Variants in TMEM117 observed in about 807,000 individuals in gnomAD.
The protein encoded by TMEM117 is transmembrane protein 117.
TMEM117 carries 27 observed loss-of-function variants against 52.4 expected under a neutral mutation model. That is an observed-to-expected ratio of 0.51 (90% CI 0.38 to 0.71). The LOEUF is 0.71. Ranked by LOEUF, TMEM117 falls within the 30% of genes least tolerant of loss-of-function variation. TMEM117 has a pLI of 0.00. For missense variants in TMEM117, 556 were observed against 630.5 expected (o/e 0.88, Z 1.26); for synonymous variants, 215 against 206.3 (o/e 1.04, Z -0.36).
At chr12:44,334,385 G>A (rs1555154097) in intron 6 of TMEM117, among the ~76,000 whole-genome samples, 1 of 152,012 alleles carries the variant, frequency 6.6e-6, no homozygotes, top group Non-Finnish European at 1.5e-5. Context: ...GCTAAGCAAA[G>A]CTATGTGACT....
chr12:44,061,830 G>T (rs1451578969), intron 3 of TMEM117, among the ~76,000 whole-genome samples: 1 of 152,012 alleles, frequency 6.6e-6, no homozygotes, highest in African/African-American at 2.4e-5. Flanking sequence ...AAAACAATAG[G>T]GAGTGAGAGA....
chr12:44,334,674 C>G (rs1951316645), intron 6 of TMEM117, among the ~76,000 whole-genome samples: 1 of 151,910 alleles, frequency 6.6e-6, no homozygotes, highest in African/African-American at 2.4e-5. Context: ...ATTAAGAGAA[C>G]CTTGCAACTC....
intron 2 of TMEM117, among the ~76,000 whole-genome samples, chr12:43,871,310 G>A (rs1270448406): frequency 6.6e-6 from 1 of 152,048 alleles, no homozygotes; most frequent in Non-Finnish European, 1.5e-5. Context: ...TGCCATGTTG[G>A]TCAGGCTGGT....
At chr12:44,235,125 G>A (rs1190508227) in intron 5 of TMEM117, among the ~76,000 whole-genome samples, 1 of 151,556 alleles carries the variant, frequency 6.6e-6, no homozygotes, top group Admixed American at 6.6e-5. Flanking sequence ...GACATCTTAA[G>A]TGGTGCATAG....
intron 5 of TMEM117, among the ~76,000 whole-genome samples, chr12:44,260,606 CTA>C (rs1950309503): frequency 6.6e-6 from 1 of 152,072 alleles, no homozygotes; most frequent in South Asian, 2.1e-4. Context: ...GAAAATTGCT[CTA>C]GTCATAAAAT....
At chr12:43,949,576 C>G (rs995364810) in intron 3 of TMEM117, among the ~76,000 whole-genome samples, 6 of 152,206 alleles carry the variant, frequency 3.9e-5, no homozygotes, top group African/African-American at 1.4e-4. Flanking sequence ...CTTCTGAGAT[C>G]TTGTCGGGAA....
intron 3 of TMEM117, among the ~76,000 whole-genome samples, chr12:44,081,327 G>T (rs1167829502): frequency 6.6e-6 from 1 of 152,118 alleles, no homozygotes; most frequent in Non-Finnish European, 1.5e-5. Context: ...TGATACAGTT[G>T]TGGAATCACA....
chr12:44,043,120 C>T (rs1005573114), intron 3 of TMEM117, among the ~76,000 whole-genome samples: 3 of 152,060 alleles, frequency 2.0e-5, no homozygotes, highest in Admixed American at 6.6e-5. Flanking sequence ...AACCAAGGAG[C>T]GTAATGAAGC....
In TMEM117 at chr12:43,901,367, GTAGCGTAA is replaced by G. The variant is rs769012445; in HGVS notation, c.278-42841_278-42834del. 2.3e-4 allele frequency among the ~76,000 whole-genome samples: 35 copies of G among 152,242 alleles called. No individual in the cohort carries two copies. The East Asian group carries it at 2.9e-3, about 13-fold the overall frequency. ...GCTCTGTTGCCCAGGCTGGAGTGCA[GTAGCGTAA>G]TCTCGGCTCACTGCAACCTCCGCCT... On this transcript the variant is annotated intron_variant, in intron 2 of 7. Transcript: ENST00000266534.
At chr12:43,999,414 G>T (rs71455470) in intron 3 of TMEM117, among the ~76,000 whole-genome samples, 571 of 152,294 alleles carry the variant, frequency 3.7e-3, no homozygotes, top group Non-Finnish European at 6.0e-3. Flanking sequence ...CCAGAAAAAT[G>T]TTATACATTT....
intron 6 of TMEM117, among the ~76,000 whole-genome samples, chr12:44,357,584 T>G (rs2138798718): frequency 6.6e-6 from 1 of 152,240 alleles, no homozygotes; most frequent in Admixed American, 6.5e-5. Context: ...TCCATGTTAC[T>G]AATCATCAGA....
At position 44,235,515 on chromosome 12, in the gene TMEM117, C is replaced by G. The variant is rs78052794; in HGVS notation, c.608+24128C>G. Among the ~76,000 whole-genome samples, 1,228 of 151,746 alleles carry G rather than the reference C, an allele frequency of 8.1e-3. 9 individuals are homozygous for G. Among genetic ancestry groups the G allele is most frequent in the African/African-American group, 0.017 (713 of 41,510 alleles). On this transcript the variant is annotated intron_variant, in intron 5 of 7. Coordinates refer to ENST00000266534, the MANE Select transcript of TMEM117 (RefSeq NM_032256.3). ...TTGATTGGATCAGTGTTTTTCCACA[C>G]TTGCATTTATACTCCCCTATCAGTA...
chr12:44,253,019 C>T (rs1229566876), intron 5 of TMEM117, among the ~76,000 whole-genome samples: 1 of 152,160 alleles, frequency 6.6e-6, no homozygotes, highest in Non-Finnish European at 1.5e-5. Context: ...AAAAAAGCAA[C>T]CCTCTAACTA....
intron 2 of TMEM117, among the ~76,000 whole-genome samples, chr12:43,938,241 TTATTATA>T (rs920375828): frequency 1.1e-4 from 17 of 147,884 alleles, no homozygotes; most frequent in South Asian, 4.2e-4. Flanking sequence ...ATATTATATA[TTATTATA>T]TATTATATAT....
At chr12:43,803,774 A>G in the TMEM117 span, among the ~76,000 whole-genome samples, 1 of 152,140 alleles carries the variant, frequency 6.6e-6, no homozygotes, top group African/African-American at 2.4e-5. Context: ...TAAGCAGAAA[A>G]TAGAAAACAA....
chr12:44,035,395 A>G (rs145281168), intron 3 of TMEM117, among the ~76,000 whole-genome samples: 1 of 152,322 alleles, frequency 6.6e-6, no homozygotes, highest in East Asian at 1.9e-4. Flanking sequence ...CTGTATGCGC[A>G]ATGCTGGACA....
intron 6 of TMEM117, among the ~76,000 whole-genome samples, chr12:44,357,608 A>G (rs535351191): frequency 3.3e-5 from 5 of 152,222 alleles, no homozygotes; most frequent in African/African-American, 1.2e-4. Context: ...ATGGAAATCA[A>G]AACCGCAACA....
intron 4 of TMEM117, among the ~76,000 whole-genome samples, chr12:44,182,061 G>T (rs1949208469): frequency 6.6e-6 from 1 of 152,008 alleles, no homozygotes; most frequent in African/African-American, 2.4e-5. Context: ...CCTTGAAGAG[G>T]TCCTTTGCAT....
At chr12:44,146,271 A>G (rs1244165014) in intron 4 of TMEM117, among the ~76,000 whole-genome samples, 1 of 152,004 alleles carries the variant, frequency 6.6e-6, no homozygotes, top group African/African-American at 2.4e-5. Flanking sequence ...GTTTCTTCTA[A>G]TTTTACTGCT....
Sources: allele counts gnomAD v4.1 joint callset (sites outside exome capture counted in the v4.1 genomes callset), GRCh38; gene constraint gnomAD v4.1.1; transcripts MANE v1.5; gene names NCBI Gene and HGNC (gene_info 2026-07-23, HGNC 2026-07-21).